Variants in ATP10B observed in about 807,000 individuals in gnomAD.
The protein encoded by ATP10B is ATPase phospholipid transporting 10B (putative).
A neutral mutation model predicts 141.2 loss-of-function variants in ATP10B; 122 were observed. The observed-to-expected ratio is 0.86, with a 90% CI of 0.75 to 1.00. The LOEUF (loss-of-function observed/expected upper bound fraction) is 1.00. Among genes scored for constraint, ATP10B ranks in the 50% least tolerant of loss-of-function variants. The pLI is 0.00. For synonymous variants in ATP10B, 685 were observed against 692.0 expected (o/e 0.99, Z 0.16); for missense variants, 1,876 against 1,825.3 (o/e 1.03, Z -0.51).
chr5:160,621,923 C>A (rs1758369343), intron 14 of ATP10B, among the ~76,000 whole-genome samples: 1 of 152,166 alleles, frequency 6.6e-6, no homozygotes, highest in Non-Finnish European at 1.5e-5. Flanking sequence ...TTACTAGAAA[C>A]CATTATGGAA....
chr5:160,727,331 C>T (rs1364870239), intron 2 of ATP10B, among the ~76,000 whole-genome samples: 1 of 152,168 alleles, frequency 6.6e-6, no homozygotes, highest in Non-Finnish European at 1.5e-5. Flanking sequence ...ATGGCTGAGG[C>T]CACACAGGTA....
chr5:160,813,060 T>G (rs374627297), intron 1 of ATP10B, among the ~76,000 whole-genome samples: 18 of 152,364 alleles, frequency 1.2e-4, no homozygotes, highest in Non-Finnish European at 1.9e-4. Flanking sequence ...GTGTGAGTGA[T>G]GCAGAAGATG....
chr5:160,650,175 CAT>C (rs904164946), intron 7 of ATP10B, among the ~76,000 whole-genome samples: 17 of 149,576 alleles, frequency 1.1e-4, no homozygotes, highest in South Asian at 2.1e-4. Flanking sequence ...TATATACATA[CAT>C]ATATATATAC....
At chr5:160,850,631 G>A (rs1157960481) in intron 1 of ATP10B, among the ~76,000 whole-genome samples, 1 of 152,132 alleles carries the variant, frequency 6.6e-6, no homozygotes. Context: ...GGACTTATCA[G>A]TATCACATGC....
intron 2 of ATP10B, among the ~76,000 whole-genome samples, chr5:160,745,826 C>T (rs1044961985): frequency 1.3e-5 from 2 of 152,194 alleles, no homozygotes; most frequent in Non-Finnish European, 2.9e-5. Context: ...CAGCTCATGA[C>T]CAAAGGTTGT....
rs1477090878 is a variant in ATP10B at position 160,691,242 on chromosome 5, AAATACCT to A, written c.-204-2306_-204-2300del. Among the ~76,000 whole-genome samples, 5 of 152,278 alleles carry A rather than the reference AAATACCT, an allele frequency of 3.3e-5. No individual in the cohort carries two copies. The East Asian group carries it at 9.6e-4, about 29-fold the overall frequency. On this transcript the variant is annotated intron_variant, in intron 3 of 25. Coordinates refer to ENST00000327245, the MANE Select transcript of ATP10B (RefSeq NM_025153.3). ...GCTAGGGGAGGGATAGCATTAGAAG[AAATACCT>A]AATATAGATGACGGGTTGATGGGTG...
At chr5:160,878,740 C>G in the ATP10B span, among the ~76,000 whole-genome samples, 4 of 152,190 alleles carry the variant, frequency 2.6e-5, no homozygotes, top group Non-Finnish European at 5.9e-5. Flanking sequence ...TGAACAGACA[C>G]TTCTCAAAAC....
the ATP10B span, among the ~76,000 whole-genome samples, chr5:160,864,398 C>T: frequency 6.6e-6 from 1 of 151,718 alleles, no homozygotes; most frequent in African/African-American, 2.4e-5. Context: ...GATAAAAAAC[C>T]CTCAACATAA....
chr5:160,637,017 T>C (rs59186117), intron 10 of ATP10B, among the ~76,000 whole-genome samples: 10 of 62,086 alleles, frequency 1.6e-4, no homozygotes, highest in East Asian at 9.1e-4. Context: ...TCCATCCATC[T>C]ATCCATCCAT....
intron 1 of ATP10B, among the ~76,000 whole-genome samples, chr5:160,829,535 C>A (rs1198336849): frequency 1.3e-5 from 2 of 151,984 alleles, no homozygotes; most frequent in Non-Finnish European, 2.9e-5. Context: ...AGCATTGAAT[C>A]TCTAAATTCC....
chr5:160,870,240 G>A, the ATP10B span, among the ~76,000 whole-genome samples: 5 of 152,144 alleles, frequency 3.3e-5, no homozygotes, highest in Admixed American at 3.3e-4. Context: ...CTAAAAGACA[G>A]ACTGAATCAC....
chr5:160,740,930 C>T (rs1447831908), intron 2 of ATP10B, among the ~76,000 whole-genome samples: 1 of 152,216 alleles, frequency 6.6e-6, no homozygotes, highest in Non-Finnish European at 1.5e-5. Context: ...ACTTGGCTCC[C>T]ATCTCAATGG....
At chr5:160,677,173 C>T (rs1042259474) in intron 6 of ATP10B, among the ~76,000 whole-genome samples, 24 of 152,206 alleles carry the variant, frequency 1.6e-4, no homozygotes, top group African/African-American at 5.3e-4. Context: ...TCAGGGACAC[C>T]TGAATTCTTG....
At chr5:160,833,964 A>AT (rs1775267003) in intron 1 of ATP10B, among the ~76,000 whole-genome samples, 1 of 152,032 alleles carries the variant, frequency 6.6e-6, no homozygotes, top group South Asian at 2.1e-4. Flanking sequence ...TTTCCTGGCA[A>AT]TTTTTCTACC....
chr5:160,676,389 A>C (rs1763030936), intron 6 of ATP10B, among the ~76,000 whole-genome samples: 1 of 152,212 alleles, frequency 6.6e-6, no homozygotes, highest in African/African-American at 2.4e-5. Flanking sequence ...TAACCTCTGC[A>C]GATCCAAATG....
chr5:160,674,456 C>T (rs148104659), intron 6 of ATP10B, among the ~76,000 whole-genome samples: 313 of 152,304 alleles, frequency 2.1e-3, no homozygotes, highest in African/African-American at 7.3e-3. Context: ...ATCAAAGGAG[C>T]CACCCACAAG....
At chr5:160,917,417 C>A in the ATP10B span, among the ~76,000 whole-genome samples, 5 of 152,004 alleles carry the variant, frequency 3.3e-5, no homozygotes, top group Admixed American at 3.3e-4. Context: ...ACACCTCTAA[C>A]CATGAACAGG....
chr5:160,636,447 GT>G, intron 10 of ATP10B, 138 bp from the exon 11 acceptor site: 1 of 521,996 alleles, frequency 1.9e-6, no homozygotes, highest in Non-Finnish European at 3.0e-6. Context: ...ATGTAGCTCT[GT>G]GTGTGTGTGT....
rs1054269099 is a variant in ATP10B, at chr5:160,687,939, G to T, written c.136C>A (p.Arg46=). The T allele has an allele frequency of 6.2e-7, 1 of 1,613,970 alleles. No individual in the cohort carries two copies. Among genetic ancestry groups the T allele is most frequent in the Non-Finnish European group, 8.5e-7 (1 of 1,180,026 alleles). ...ATGCTGTTGTTGGGGAACACGACCC[G>T]CTGCTGTGTCAAGTTGTAGCTCTGT... ...GRQSYNLTQQ[R]VVFPNNSIFH... is the part of the protein sequence containing the mutation. The change falls in exon 5 of 26, where the codon CGG becomes AGG. Residue 46 remains arginine, a synonymous_variant. Coordinates refer to ENST00000327245, the MANE Select transcript of ATP10B (RefSeq NM_025153.3).
Sources: allele counts gnomAD v4.1 joint callset (sites outside exome capture counted in the v4.1 genomes callset), GRCh38; gene constraint gnomAD v4.1.1; transcripts MANE v1.5; gene names NCBI Gene and HGNC (gene_info 2026-07-23, HGNC 2026-07-21).